Variants in CALCRL observed in about 807,000 individuals in gnomAD.
CALCRL encodes calcitonin gene-related peptide type 1 receptor.
CALCRL carries 27 observed loss-of-function variants against 60.4 expected under a neutral mutation model. That is an observed-to-expected ratio of 0.45 (90% CI 0.33 to 0.62). The LOEUF is 0.62. CALCRL is among the 20% of genes least tolerant of loss of function. CALCRL has a pLI of 0.03. For missense variants in CALCRL, 424 were observed against 540.7 expected (o/e 0.78, Z 2.14); for synonymous variants, 190 against 182.6 (o/e 1.04, Z -0.33).
intron 1 of CALCRL, among the ~76,000 whole-genome samples, chr2:187,395,331 T>C (rs1168931024): frequency 6.6e-6 from 1 of 152,084 alleles, no homozygotes; most frequent in Non-Finnish European, 1.5e-5. Flanking sequence ...TCTCATTACA[T>C]GTCACTTGTA....
chr2:187,414,894 A>ATTT (rs1689535494), intron 1 of CALCRL, among the ~76,000 whole-genome samples: 3 of 147,384 alleles, frequency 2.0e-5, no homozygotes, highest in South Asian at 4.3e-4. Flanking sequence ...TTTTTTAAAA[A>ATTT]AAAAAAGGTA....
chr2:187,392,438 A>G (rs1688486211), intron 1 of CALCRL, among the ~76,000 whole-genome samples: 1 of 152,118 alleles, frequency 6.6e-6, no homozygotes, highest in East Asian at 1.9e-4. Context: ...ATTATATTAC[A>G]TGCTTTCCCT....
At chr2:187,412,445 A>C (rs1490503057) in intron 1 of CALCRL, among the ~76,000 whole-genome samples, 2 of 152,158 alleles carry the variant, frequency 1.3e-5, no homozygotes, top group Admixed American at 6.5e-5. Flanking sequence ...AAATTCGCTT[A>C]TCTCTCTGAC....
intron 8 of CALCRL, among the ~76,000 whole-genome samples, chr2:187,367,567 T>G (rs1687352144): frequency 6.6e-6 from 1 of 152,138 alleles, no homozygotes; most frequent in Non-Finnish European, 1.5e-5. Flanking sequence ...ATGTAATTGG[T>G]AAACACATGG....
chr2:187,394,652 A>G (rs575854006), intron 1 of CALCRL, among the ~76,000 whole-genome samples: 1 of 152,146 alleles, frequency 6.6e-6, no homozygotes, highest in African/African-American at 2.4e-5. Context: ...ATTGCTGTGT[A>G]ATTTTAAGAA....
At chr2:187,434,574 T>A (rs1414689707) in intron 1 of CALCRL, among the ~76,000 whole-genome samples, 2 of 152,266 alleles carry the variant, frequency 1.3e-5, no homozygotes, top group East Asian at 3.9e-4. Flanking sequence ...TTTGAACTGC[T>A]AGGATCCTGA....
chr2:187,441,528 T>C (rs907312147), intron 1 of CALCRL, among the ~76,000 whole-genome samples: 2 of 151,950 alleles, frequency 1.3e-5, no homozygotes, highest in African/African-American at 4.8e-5. Context: ...ACACCTAGCA[T>C]AGGGCCAGGC....
At chr2:187,403,832 T>G (rs1688999400) in intron 1 of CALCRL, among the ~76,000 whole-genome samples, 1 of 151,818 alleles carries the variant, frequency 6.6e-6, no homozygotes, top group African/African-American at 2.4e-5. Flanking sequence ...TTTTAATCAT[T>G]TACTCCTCTG....
intron 1 of CALCRL, among the ~76,000 whole-genome samples, chr2:187,432,723 T>C (rs1197777494): frequency 6.6e-6 from 1 of 152,090 alleles, no homozygotes; most frequent in Admixed American, 6.6e-5. Context: ...TATTTGTACA[T>C]TGGCAAAAAG....
At chr2:187,373,813 C>T (rs1333445250) in intron 8 of CALCRL, among the ~76,000 whole-genome samples, 2 of 152,104 alleles carry the variant, frequency 1.3e-5, no homozygotes, top group East Asian at 3.9e-4. Context: ...ATGTTCCACG[C>T]TACACAGCAA....
chr2:187,398,937 T>G (rs982075395), intron 1 of CALCRL, among the ~76,000 whole-genome samples: 7 of 151,800 alleles, frequency 4.6e-5, no homozygotes, highest in African/African-American at 1.4e-4. Flanking sequence ...GATACAATTC[T>G]AGAAATCCTC....
rs1686200241 is a variant in CALCRL at position 187,344,420 on chromosome 2, C to A, written c.*1764G>T. On this transcript the variant is annotated 3_prime_UTR_variant, in exon 15 of 15. Coordinates refer to ENST00000392370, the MANE Select transcript of CALCRL (RefSeq NM_005795.6). ...CTTATGATGAGTAATTTGTTTCATC[C>A]ATTTTAATCAGATTGACACACTTAA... The A allele has an allele frequency of 6.6e-6, 1 of 151,530 alleles. No homozygotes were observed. The highest frequency in any genetic ancestry group is 2.1e-4 in the South Asian group (1 of 4,826). The allele number at this position is 151,530 out of a possible 1,614,324, so 9.4% of individuals were successfully genotyped here.
At chr2:187,375,989 C>T (rs530112297) in intron 8 of CALCRL, among the ~76,000 whole-genome samples, 1 of 152,198 alleles carries the variant, frequency 6.6e-6, no homozygotes, top group South Asian at 2.1e-4. Flanking sequence ...CTGCTTTAAG[C>T]TTGCCAAATA....
intron 9 of CALCRL, among the ~76,000 whole-genome samples, chr2:187,361,611 G>T (rs1433150014): frequency 6.6e-6 from 1 of 151,884 alleles, no homozygotes; most frequent in Non-Finnish European, 1.5e-5. Context: ...GGTCATCACA[G>T]AATAGTAATA....
At chr2:187,442,315 G>C (rs1690957983) in intron 1 of CALCRL, among the ~76,000 whole-genome samples, 1 of 150,880 alleles carries the variant, frequency 6.6e-6, no homozygotes, top group Non-Finnish European at 1.5e-5. Flanking sequence ...ACAAAAAGGA[G>C]ATCCTATGAA....
chr2:187,406,615 G>A (rs1689140340), intron 1 of CALCRL, among the ~76,000 whole-genome samples: 1 of 151,612 alleles, frequency 6.6e-6, no homozygotes, highest in African/African-American at 2.4e-5. Flanking sequence ...TTTTATCTAT[G>A]GTCTTTGTAA....
chr2:187,411,955 G>A (rs917189215), intron 1 of CALCRL, among the ~76,000 whole-genome samples: 15 of 147,232 alleles, frequency 1.0e-4, no homozygotes, highest in African/African-American at 3.8e-4. Context: ...CTCCAGCCTG[G>A]GCGACAGAGC....
At chr2:187,391,235 A>C (rs553988823) in intron 1 of CALCRL, among the ~76,000 whole-genome samples, 1 of 152,176 alleles carries the variant, frequency 6.6e-6, no homozygotes, top group African/African-American at 2.4e-5. Flanking sequence ...ACTTCTCTCT[A>C]TATATTTAGC....
At position 187,342,614 on chromosome 2, in the gene CALCRL, AAC is replaced by A. The variant is rs1686131884; in HGVS notation, c.*3568_*3569del. Among the ~76,000 whole-genome samples the A allele has an allele frequency of 6.6e-6, 1 of 151,678 alleles. No individual in the cohort carries two copies. The highest frequency in any genetic ancestry group is 1.5e-5 in the Non-Finnish European group (1 of 67,678). ...CAAGGAGGAGAGATTATAAGAAAAA[AAC>A]ACAAGTGTTTTAAATGGGCATTTTC... On this transcript the variant is annotated 3_prime_UTR_variant, in exon 15 of 15. Transcript: ENST00000392370.
Sources: gnomAD v4.1 joint callset for allele counts (sites outside exome capture counted in the v4.1 genomes callset) on GRCh38, gnomAD v4.1.1 for gene constraint, MANE v1.5 for transcripts, NCBI Gene and HGNC (gene_info 2026-07-23, HGNC 2026-07-21) for gene names.